Variants in CDKAL1 observed in about 807,000 individuals in gnomAD.
CDKAL1 encodes threonylcarbamoyladenosine tRNA methylthiotransferase.
Under a neutral mutation model 68.2 loss-of-function variants are expected in CDKAL1, and 32 were observed. That is an observed-to-expected ratio of 0.47 (90% confidence interval 0.35 to 0.63). The LOEUF is 0.63. Among genes scored for constraint, CDKAL1 ranks in the 30% least tolerant of loss-of-function variants. The pLI is 0.00. For missense variants in CDKAL1, 606 were observed against 696.7 expected, an observed-to-expected ratio of 0.87 and a Z score of 1.47; for synonymous variants, 234 against 244.3, an observed-to-expected ratio of 0.96 and a Z score of 0.39.
intron 4 of CDKAL1, among the ~76,000 whole-genome samples, chr6:20,603,089 T>G (rs1485253616): frequency 6.6e-6 from 1 of 152,214 alleles, no homozygotes; most frequent in Non-Finnish European, 1.5e-5. Flanking sequence ...TTTCTTCCTC[T>G]TCTACTTTTT....
At chr6:21,085,211 C>T (rs188876532) in intron 12 of CDKAL1, among the ~76,000 whole-genome samples, 187 of 152,252 alleles carry the variant, frequency 1.2e-3, no homozygotes, top group Non-Finnish European at 2.2e-3. Flanking sequence ...ACATGGCTTT[C>T]GGGAGTCATG....
chr6:20,776,040 A>G lies in CDKAL1; in HGVS notation c.518-5105A>G, dbSNP rs6899514. ...CTATTGTTAGGTCTGCTGCTCTTTAATGAATCATTGGATTGGAAAATAACT... is the reference window on the plus strand; with the variant it reads ...CTATTGTTAGGTCTGCTGCTCTTTAGTGAATCATTGGATTGGAAAATAACT... On this transcript the variant is annotated intron_variant, in intron 7 of 15. Coordinates refer to ENST00000274695, the MANE Select transcript of CDKAL1 (RefSeq NM_017774.3). 4.5e-3 allele frequency among the ~76,000 whole-genome samples: 690 copies of G among 152,206 alleles called. 8 individuals are homozygous for G. The highest frequency in any genetic ancestry group is 0.014 in the African/African-American group (600 of 41,536).
intron 3 of CDKAL1, among the ~76,000 whole-genome samples, chr6:20,547,949 G>A (rs1763668605): frequency 1.3e-5 from 2 of 152,160 alleles, no homozygotes; most frequent in Admixed American, 6.5e-5. Context: ...ATTGCTGCTA[G>A]AACCACTTTC....
At chr6:20,725,508 G>A (rs1324817730) in intron 5 of CDKAL1, among the ~76,000 whole-genome samples, 1 of 152,158 alleles carries the variant, frequency 6.6e-6, no homozygotes, top group Non-Finnish European at 1.5e-5. Context: ...AGACTAGCTG[G>A]GCATGGTGGC....
At chr6:20,728,387 A>G (rs994527048) in intron 5 of CDKAL1, among the ~76,000 whole-genome samples, 2 of 152,232 alleles carry the variant, frequency 1.3e-5, no homozygotes, top group African/African-American at 2.4e-5. Flanking sequence ...GATTCATTAC[A>G]TAGCAGTTAG....
intron 13 of CDKAL1, among the ~76,000 whole-genome samples, chr6:21,164,438 C>T (rs1777055894): frequency 6.6e-6 from 1 of 151,974 alleles, no homozygotes; most frequent in African/African-American, 2.4e-5. Context: ...TACCCTATAG[C>T]AGCCACTGTA....
At chr6:20,695,790 T>C (rs1301041336) in intron 5 of CDKAL1, among the ~76,000 whole-genome samples, 1 of 152,188 alleles carries the variant, frequency 6.6e-6, no homozygotes, top group African/African-American at 2.4e-5. Flanking sequence ...ATTTTATCCA[T>C]TTTTACCATT....
At chr6:21,140,301 C>T (rs72838015) in intron 13 of CDKAL1, among the ~76,000 whole-genome samples, 2,237 of 152,290 alleles carry the variant, frequency 0.015, 21 homozygotes, top group Non-Finnish European at 0.024. Flanking sequence ...TCTAAGTAAA[C>T]TCTTGCCGAC....
At chr6:20,786,193 C>A (rs1439657227) in intron 8 of CDKAL1, among the ~76,000 whole-genome samples, 2 of 152,008 alleles carry the variant, frequency 1.3e-5, no homozygotes, top group Admixed American at 6.6e-5. Flanking sequence ...CCACTGCACT[C>A]CAGCCTGGGT....
intron 12 of CDKAL1, among the ~76,000 whole-genome samples, chr6:21,082,358 T>C (rs1772451642): frequency 6.6e-6 from 1 of 152,224 alleles, no homozygotes; most frequent in Admixed American, 6.5e-5. Flanking sequence ...GTACTTTGTC[T>C]CCTGTTATTC....
At chr6:20,926,417 CTT>C (rs765047811) in intron 9 of CDKAL1, among the ~76,000 whole-genome samples, 2 of 151,864 alleles carry the variant, frequency 1.3e-5, no homozygotes, top group African/African-American at 4.8e-5. Context: ...AAAAAAGAGA[CTT>C]CAGGAAAATT....
chr6:21,150,930 A>G (rs1776384585), intron 13 of CDKAL1, among the ~76,000 whole-genome samples: 3 of 152,228 alleles, frequency 2.0e-5, no homozygotes, highest in African/African-American at 2.4e-5. Context: ...TGCCTGAAAC[A>G]TGGTTTAAAA....
chr6:20,538,660 C>A (rs1361444314), intron 2 of CDKAL1, among the ~76,000 whole-genome samples: 4 of 152,152 alleles, frequency 2.6e-5, no homozygotes, highest in African/African-American at 9.6e-5. Context: ...TTTAATTATT[C>A]ATGATCTGTC....
chr6:20,782,991 C>T (rs1214492027), intron 8 of CDKAL1, among the ~76,000 whole-genome samples: 3 of 151,898 alleles, frequency 2.0e-5, no homozygotes, highest in South Asian at 2.1e-4. Context: ...AGTGCAATGG[C>T]GTGATCTTGG....
At chr6:21,146,774 C>T (rs559296313) in intron 13 of CDKAL1, among the ~76,000 whole-genome samples, 3 of 150,712 alleles carry the variant, frequency 2.0e-5, no homozygotes, top group Non-Finnish European at 4.4e-5. Flanking sequence ...TGGCATGAAC[C>T]CAGGAGGCAG....
intron 8 of CDKAL1, among the ~76,000 whole-genome samples, chr6:20,798,076 A>G (rs964915954): frequency 7.2e-5 from 11 of 152,038 alleles, no homozygotes; most frequent in African/African-American, 2.7e-4. Flanking sequence ...TCGGCCTCCC[A>G]AAGTGCTGGG....
At chr6:20,947,932 A>G (rs1348739352) in intron 9 of CDKAL1, among the ~76,000 whole-genome samples, 1 of 151,550 alleles carries the variant, frequency 6.6e-6, no homozygotes, top group Non-Finnish European at 1.5e-5. Flanking sequence ...CTGTGCTTGT[A>G]TAAGTTTTAA....
At chr6:20,790,704 G>T (rs950590027) in intron 8 of CDKAL1, among the ~76,000 whole-genome samples, 4 of 152,174 alleles carry the variant, frequency 2.6e-5, no homozygotes, top group Non-Finnish European at 5.9e-5. Context: ...ACAATTAGAA[G>T]GGTGAGGATG....
intron 11 of CDKAL1, among the ~76,000 whole-genome samples, chr6:21,009,291 T>C (rs757206238): frequency 3.9e-5 from 6 of 152,238 alleles, no homozygotes; most frequent in Non-Finnish European, 5.9e-5. Context: ...ACAATAGGGA[T>C]GATAATTTTC....
Sources: gnomAD v4.1 joint callset for allele counts (sites outside exome capture counted in the v4.1 genomes callset) on GRCh38, gnomAD v4.1.1 for gene constraint, MANE v1.5 for transcripts, NCBI Gene and HGNC (gene_info 2026-07-23, HGNC 2026-07-21) for gene names.